KLHL12: variants seen among roughly 807,000 people sequenced by gnomAD.
KLHL12 encodes the protein kelch-like protein 12.
KLHL12 carries 17 observed loss-of-function variants against 60.8 expected under a neutral mutation model. The ratio of observed to expected loss-of-function variants is 0.28; its 90% CI spans 0.19 to 0.42. The LOEUF (loss-of-function observed/expected upper bound fraction) is 0.42, where lower values mean the gene tolerates loss of function less well. Ranked by LOEUF, KLHL12 falls within the 10% of genes least tolerant of loss-of-function variation. The probability of loss-of-function intolerance (pLI) is 1.00; values close to 1 mark genes in which losing one functional copy is unlikely to be tolerated. For synonymous variants in KLHL12, 220 were observed against 250.9 expected (o/e 0.88, Z 1.16); for missense variants, 468 against 722.3 (o/e 0.65, Z 4.04).
intron 1 of KLHL12, among the ~76,000 whole-genome samples, chr1:202,926,203 G>A (rs144901203): frequency 9.9e-5 from 15 of 151,770 alleles, no homozygotes; most frequent in African/African-American, 3.6e-4. Flanking sequence ...ACTTGCTTAA[G>A]ATATTGAAGC....
chr1:202,897,229 T>TA (rs1491198947), intron 6 of KLHL12, among the ~76,000 whole-genome samples: 12 of 33,986 alleles, frequency 3.5e-4, no homozygotes, highest in African/African-American at 1.1e-3. Context: ...TTTCTTTTTC[T>TA]TTTTTTTTTT....
chr1:202,923,825 A>C (rs1454619984), intron 2 of KLHL12, among the ~76,000 whole-genome samples: 1 of 151,598 alleles, frequency 6.6e-6, no homozygotes, highest in African/African-American at 2.4e-5. Flanking sequence ...ATTCTGATTC[A>C]GCAGCAATAT....
chr1:202,894,432 T>TA, intron 9 of KLHL12, 150 bp from the exon 10 acceptor site: 2 of 898,854 alleles, frequency 2.2e-6, no homozygotes. Flanking sequence ...ATTATGCTTA[T>TA]AAGAAAAAGA....
chr1:202,903,976 T>TTATC (rs768857530), intron 6 of KLHL12, among the ~76,000 whole-genome samples: 30 of 151,012 alleles, frequency 2.0e-4, no homozygotes, highest in Non-Finnish European at 3.0e-4. Flanking sequence ...CTTTAACCCT[T>TTATC]TATCTATCTA....
chr1:202,922,291 G>A (rs553984285), intron 2 of KLHL12, among the ~76,000 whole-genome samples: 4 of 150,174 alleles, frequency 2.7e-5, no homozygotes, highest in Admixed American at 6.7e-5. Context: ...AAGGGGGGCC[G>A]GGCACATGGC....
upstream of KLHL12, among the ~76,000 whole-genome samples, chr1:202,927,904 C>T (rs1653689494): frequency 6.6e-6 from 1 of 151,260 alleles, no homozygotes; most frequent in African/African-American, 2.4e-5. Context: ...ATCGCTAGAA[C>T]CTGGGAGGCG....
At chr1:202,904,149 C>A (rs1391843196) in intron 6 of KLHL12, among the ~76,000 whole-genome samples, 2 of 152,120 alleles carry the variant, frequency 1.3e-5, no homozygotes, top group Admixed American at 1.3e-4. Flanking sequence ...GGATTACAGG[C>A]ATGTGCCACC....
In KLHL12 at chr1:202,893,690, T is replaced by C. The variant is rs138996714; in HGVS notation, c.1394-265A>G. On this transcript the variant is annotated intron_variant, in intron 10 of 11. Transcript: ENST00000367261. The surrounding 1 kb of genome is among the most constrained non-coding windows in gnomAD (Gnocchi z 4.1). ...TAACTCAGAGCCCAACCCTTCTAATTAGGAGAAAGGGAGGAAGTGAAAAAA... is the reference window on the plus strand; with the variant it reads ...TAACTCAGAGCCCAACCCTTCTAATCAGGAGAAAGGGAGGAAGTGAAAAAA... Among the ~76,000 whole-genome samples, 60 of 152,248 alleles carry C rather than the reference T, an allele frequency of 3.9e-4. No individual in the cohort carries two copies. The East Asian group carries it at 0.01, about 26-fold the overall frequency.
At chr1:202,913,019 T>C (rs192337463) in intron 4 of KLHL12, among the ~76,000 whole-genome samples, 22 of 151,810 alleles carry the variant, frequency 1.4e-4, no homozygotes, top group African/African-American at 4.3e-4. Flanking sequence ...ATGCTGTTGA[T>C]TGCTAAATGT....
At chr1:202,923,724 C>G (rs1261533379) in intron 2 of KLHL12, among the ~76,000 whole-genome samples, 7 of 151,878 alleles carry the variant, frequency 4.6e-5, no homozygotes, top group African/African-American at 1.7e-4. Context: ...TAATACCTAC[C>G]CCTAGGGTGA....
rs1431493550 is a variant in KLHL12, at chr1:202,909,338, C to A, written c.718-214G>T. ...AAAATAGATAACATACTAGATGGAT[C>A]AAAAATCAAATGATATAAACAGATA... On this transcript the variant is annotated intron_variant, in intron 5 of 11. Transcript: ENST00000367261. The surrounding 1 kb of genome is among the most constrained non-coding windows in gnomAD (Gnocchi z 4.1). 6.6e-6 allele frequency among the ~76,000 whole-genome samples: 1 copy of A among 150,706 alleles called. No homozygotes were observed. The highest frequency in any genetic ancestry group is 1.5e-5 in the Non-Finnish European group (1 of 67,796).
chr1:202,928,284 AAAAAG>A (rs1653714462), upstream of KLHL12, among the ~76,000 whole-genome samples: 1 of 150,540 alleles, frequency 6.6e-6, no homozygotes, highest in Non-Finnish European at 1.5e-5. Flanking sequence ...CAAAAAAAAA[AAAAAG>A]AAAAAAGAAA....
chr1:202,903,460 G>GTTTTT (rs11404714), intron 6 of KLHL12, among the ~76,000 whole-genome samples: 1 of 132,468 alleles, frequency 7.5e-6, no homozygotes. Context: ...ATGCATTCTT[G>GTTTTT]TTTTTTTTTT....
At chr1:202,923,934 A>G (rs1353105663) in intron 2 of KLHL12, among the ~76,000 whole-genome samples, 1 of 152,208 alleles carries the variant, frequency 6.6e-6, no homozygotes, top group Non-Finnish European at 1.5e-5. Context: ...ATAATGAAAT[A>G]TTTCAGGCAT....
chr1:202,925,089 G>A lies in KLHL12; in HGVS notation c.74C>T (p.Ser25Phe), dbSNP rs572043272. The stretch of plus-strand genomic sequence containing the variant: ...ACAGAGGGTATTGCTCTTCCTGAGG[G>A]AGTTCATTGAATTGAGGATGGATTT... ...HAKSILNSMN[S>F]LRKSNTLCDV... Residue 25 changes from serine to phenylalanine, a missense_variant, in exon 2 of 12, where the codon TCC becomes TTC. Around this residue, in one of 4 missense-constraint regions of KLHL12, gnomAD observed 61 missense variants for 59.9 expected, o/e 1.02. Transcript: ENST00000367261. 4 of 1,614,114 alleles carry A rather than the reference G, an allele frequency of 2.5e-6. No individual in the cohort carries two copies. The highest frequency in any genetic ancestry group is 1.7e-5 in the Admixed American group (1 of 60,004).
chr1:202,899,216 G>T (rs1318779798), intron 6 of KLHL12, among the ~76,000 whole-genome samples: 1 of 152,050 alleles, frequency 6.6e-6, no homozygotes, highest in Non-Finnish European at 1.5e-5. Context: ...GGGTGGCTCA[G>T]GCATGAGAAT....
At chr1:202,907,425 A>G (rs549218255) in intron 6 of KLHL12, among the ~76,000 whole-genome samples, 2 of 151,336 alleles carry the variant, frequency 1.3e-5, no homozygotes, top group Admixed American at 1.3e-4. Context: ...AACATGGAGA[A>G]ACCCTGTCTC....
In KLHL12 at chr1:202,893,080, G is replaced by A. The variant is rs745796879; in HGVS notation, c.1580+159C>T. Among the ~76,000 whole-genome samples the A allele has an allele frequency of 2.0e-5, 3 of 148,458 alleles. No individual in the cohort carries two copies. The highest frequency in any genetic ancestry group is 4.5e-5 in the Non-Finnish European group (3 of 66,726). Reference sequence around the variant, plus strand: ...AGCCTGGGTGACAGAGCAATACTCTGTCTCTAAAAAATAAAAAAAATCTAA... The same window carrying A: ...AGCCTGGGTGACAGAGCAATACTCTATCTCTAAAAAATAAAAAAAATCTAA... On this transcript the variant is annotated intron_variant, in intron 11 of 11. Transcript: ENST00000367261. The surrounding 1 kb of genome is among the most constrained non-coding windows in gnomAD (Gnocchi z 4.1).
At chr1:202,894,978 A>C (rs1162282487) in intron 8 of KLHL12, among the ~76,000 whole-genome samples, 1 of 152,244 alleles carries the variant, frequency 6.6e-6, no homozygotes, top group African/African-American at 2.4e-5. Flanking sequence ...GCAAAAACAC[A>C]ACTAGTGCCA....
Sources: gnomAD v4.1 joint callset for allele counts (sites outside exome capture counted in the v4.1 genomes callset) on GRCh38, gnomAD v4.1.1 for gene constraint, gnomAD v4.1.1 regional missense constraint, Gnocchi (gnomAD v3.1) non-coding constraint, MANE v1.5 for transcripts, NCBI Gene and HGNC (gene_info 2026-07-23, HGNC 2026-07-21) for gene names.